The following EPC1 variants were observed in gnomAD, a reference collection of about 807,000 sequenced individuals.
EPC1 encodes enhancer of polycomb homolog 1.
In EPC1, 12 loss-of-function variants were observed where a neutral mutation model predicts 98.4. That is an observed-to-expected ratio of 0.12 (90% CI 0.08 to 0.20). EPC1 has a LOEUF of 0.20. Ranked by LOEUF, EPC1 falls within the 10% of genes least tolerant of loss-of-function variation. The pLI, the probability that EPC1 is intolerant of heterozygous loss-of-function variation, is 1.00. For synonymous variants in EPC1, 357 were observed against 363.9 expected, an observed-to-expected ratio of 0.98 and a Z score of 0.21; for missense variants, 729 against 990.5, an observed-to-expected ratio of 0.74 and a Z score of 3.54.
At chr10:32,358,504 G>A (rs1040231599) in intron 1 of EPC1, among the ~76,000 whole-genome samples, 3 of 151,880 alleles carry the variant, frequency 2.0e-5, no homozygotes. Context: ...ATTAGCCAGG[G>A]TGTGGTGGTG....
At chr10:32,281,313 G>C (rs1360132455) in intron 10 of EPC1, among the ~76,000 whole-genome samples, 2 of 152,096 alleles carry the variant, frequency 1.3e-5, no homozygotes. Context: ...CAAAGTGCTG[G>C]GATTACAGGC....
At chr10:32,322,899 A>C (rs1376283992) in intron 1 of EPC1, among the ~76,000 whole-genome samples, 1 of 152,164 alleles carries the variant, frequency 6.6e-6, no homozygotes, top group Non-Finnish European at 1.5e-5. Flanking sequence ...AGATGGAATA[A>C]GATGTAGGGT....
Position 32,347,100 on chromosome 10 carries a change from T to TCTCG in EPC1, c.-189_-186dup. ...GGGAGGCTGTGCCGCTCCGCTCCTC[T>TCTCG]CTCGCTCGCTCTCTTCAATACGCCA... is the stretch of plus-strand genomic sequence containing the variant. On this transcript the variant is annotated 5_prime_UTR_variant, in exon 1 of 14. Transcript: ENST00000319778. 6.9e-7 allele frequency: 1 copy of TCTCG among 1,440,892 alleles called. No individual in the cohort carries two copies. The highest frequency in any genetic ancestry group is 9.1e-7 in the Non-Finnish European group (1 of 1,103,452). The allele number at this position is 1,440,892 out of a possible 1,614,324, so 89.3% of individuals were successfully genotyped here. A position where few individuals can be genotyped will look rare whatever the true frequency, so the allele number is the denominator to read the frequency against.
chr10:32,375,647 GC>G (rs535702047), intron 1 of EPC1, among the ~76,000 whole-genome samples: 305 of 151,900 alleles, frequency 2.0e-3, no homozygotes, highest in Middle Eastern at 0.01. Flanking sequence ...CTACTCATTA[GC>G]CCCTCCCTCC....
intron 1 of EPC1, chr10:32,378,358 A>T: frequency 1.8e-6 from 1 of 560,200 alleles, no homozygotes; most frequent in Non-Finnish European, 3.0e-6. Context: ...AGGCAAGATT[A>T]GGTAGAACGT....
Position 32,347,144 on chromosome 10 carries a change from T to C in EPC1, c.-229A>G. On this transcript the variant is annotated 5_prime_UTR_variant, in exon 1 of 14. The change abolishes an upstream ATG in the 5' untranslated region. Coordinates refer to ENST00000319778, the MANE Select transcript of EPC1 (RefSeq NM_001272004.3). ...TACGCCATGGCCAACATGGCGGACA[T>C]TAAAACTCCACTGTGCGCTCTTCAG... 3 of 1,419,840 alleles carry C rather than the reference T, an allele frequency of 2.1e-6. No homozygotes were observed. Among genetic ancestry groups the C allele is most frequent in the Non-Finnish European group, 2.7e-6 (3 of 1,091,068 alleles). The allele number at this position is 1,419,840 out of a possible 1,614,324, so 88.0% of individuals were successfully genotyped here. A position where few individuals can be genotyped will look rare whatever the true frequency, so the allele number is the denominator to read the frequency against.
chr10:32,286,972 T>C lies in EPC1; in HGVS notation c.1196A>G (p.Asp399Gly). The C allele has an allele frequency of 6.2e-7, 1 of 1,614,118 alleles. No homozygotes were observed. The highest frequency in any genetic ancestry group is 8.5e-7 in the Non-Finnish European group (1 of 1,180,024). The change falls in exon 8 of 14, where the codon GAT (aspartate) becomes GGT (glycine). Residue 399 changes from aspartate (D) to glycine (G), a missense_variant. This residue lies in a region of EPC1 where 390 missense variants were observed against 438.6 expected (regional missense o/e 0.89). Transcript: ENST00000319778. ...TTTCCTACGGAAAGCAAAAGGACCA[T>C]CAGGATCATTGTCTTCCTCAGCTTC... The part of the protein sequence containing the change: ...SSEAEEDNDP[D>G]GPFAFRRKAG...
Position 32,346,838 on chromosome 10 carries a change from G to C in EPC1, c.78C>G (p.Pro26=), listed in dbSNP as rs775356873. ...TTATCGAGGCGTATTCGTGCAGGTC[G>C]GGCAGATCCTCACAGCGGAAAACCG... is the stretch of plus-strand genomic sequence containing the variant. ...PLPVFRCEDL[P]DLHEYASINR... The change falls in exon 1 of 14, where the codon CCC becomes CCG. Residue 26 remains proline (P), a synonymous_variant. Transcript: ENST00000319778. 1.5e-5 allele frequency: 25 copies of C among 1,614,054 alleles called. No homozygotes were observed. Among genetic ancestry groups the C allele is most frequent in the Non-Finnish European group, 2.1e-5 (25 of 1,180,022 alleles).
intron 2 of EPC1, among the ~76,000 whole-genome samples, chr10:32,302,240 CA>C (rs879413956): frequency 5.8e-4 from 81 of 138,870 alleles, no homozygotes; most frequent in Middle Eastern, 7.5e-3. Flanking sequence ...GACTCCGTCT[CA>C]AAAAAAAAAA....
intron 1 of EPC1, among the ~76,000 whole-genome samples, chr10:32,321,799 CT>C (rs922813797): frequency 2.6e-5 from 4 of 151,972 alleles, no homozygotes; most frequent in Non-Finnish European, 5.9e-5. Context: ...TAGCTTAATT[CT>C]CCCTTCTTGT....
intron 2 of EPC1, among the ~76,000 whole-genome samples, chr10:32,299,565 T>TCATCATCATCATC (rs72050442): frequency 4.3e-5 from 6 of 138,678 alleles, no homozygotes; most frequent in South Asian, 4.3e-4. Context: ...TCATCATCAT[T>TCATCATCATCATC]ATTATTATTA....
At chr10:32,284,673 C>G in intron 10 of EPC1, 25 bp downstream of exon 10, 1 of 1,533,042 alleles carries the variant, frequency 6.5e-7, no homozygotes, top group Non-Finnish European at 9.0e-7. Flanking sequence ...TCTATAGAAA[C>G]GTACATCATT....
chr10:32,352,905 C>G (rs1839155343), intron 1 of EPC1, among the ~76,000 whole-genome samples: 2 of 152,136 alleles, frequency 1.3e-5, no homozygotes, highest in African/African-American at 2.4e-5. Context: ...CCTGTAATCC[C>G]AGCACTTTGG....
intron 1 of EPC1, among the ~76,000 whole-genome samples, chr10:32,363,283 G>T (rs9417046): frequency 1.3e-5 from 2 of 151,996 alleles, no homozygotes; most frequent in African/African-American, 4.8e-5. Context: ...TTTTCACCAT[G>T]TTGCCCAGGC....
chr10:32,377,258 A>G (rs1166293157), intron 1 of EPC1: 1 of 152,210 alleles, frequency 6.6e-6, no homozygotes. Flanking sequence ...GAATTATTAT[A>G]TGACTACTTA....
chr10:32,305,997 A>G, intron 1 of EPC1, 66 bp from the exon 2 acceptor site: 1 of 1,404,346 alleles, frequency 7.1e-7, no homozygotes, highest in Non-Finnish European at 9.4e-7. Flanking sequence ...TCATATAGCC[A>G]AAAAGGTTTT....
upstream of EPC1, among the ~76,000 whole-genome samples, chr10:32,349,916 T>C (rs1032052416): frequency 3.3e-5 from 5 of 152,230 alleles, no homozygotes; most frequent in Non-Finnish European, 7.3e-5. Context: ...CTCTTTTTTA[T>C]GCAGTTCACT....
In EPC1 at chr10:32,361,595, T is replaced by C. The variant is rs1438438077; in HGVS notation, c.3+16896A>G. On this transcript the variant is annotated intron_variant, in intron 1 of 13. Coordinates refer to the EPC1 transcript ENST00000375110. The stretch of plus-strand genomic sequence containing the variant: ...CCTGCTTAGTCATTTAGAAATGCAA[T>C]TATAACCTTTTACCCACCCCCAATC... Among the ~76,000 whole-genome samples, 5 of 152,200 alleles carry C rather than the reference T, an allele frequency of 3.3e-5. No individual in the cohort carries two copies. In the East Asian group the frequency reaches 5.8e-4, roughly 18 times the overall value.
intron 2 of EPC1, among the ~76,000 whole-genome samples, chr10:32,299,434 C>G (rs1835362191): frequency 6.6e-6 from 1 of 152,168 alleles, no homozygotes; most frequent in Admixed American, 6.5e-5. Context: ...GGCCCGCCCA[C>G]CTTGGCCTCC....
Sources: allele counts gnomAD v4.1 joint callset (sites outside exome capture counted in the v4.1 genomes callset), GRCh38; gene constraint gnomAD v4.1.1; regional missense constraint gnomAD v4.1.1; transcripts MANE v1.5; gene names NCBI Gene and HGNC (gene_info 2026-07-23, HGNC 2026-07-21).